The following BCAT1 variants were observed in gnomAD, a reference collection of about 807,000 sequenced individuals.
BCAT1 encodes the protein branched-chain-amino-acid aminotransferase, cytosolic.
Under a neutral mutation model 52.4 loss-of-function variants are expected in BCAT1, and 48 were observed. That is an observed-to-expected ratio of 0.92 (90% CI 0.73 to 1.16). BCAT1 has a LOEUF of 1.16. Ranked by LOEUF, BCAT1 falls within the 50% of genes most tolerant of loss-of-function variation. The pLI is 0.00. For synonymous variants in BCAT1, 167 were observed against 161.3 expected (o/e 1.04, Z -0.27); for missense variants, 451 against 457.1 (o/e 0.99, Z 0.12).
chr12:24,849,479 G>A (rs1055229687), intron 6 of BCAT1, among the ~76,000 whole-genome samples: 1 of 152,190 alleles, frequency 6.6e-6, no homozygotes, highest in Non-Finnish European at 1.5e-5. Context: ...CCGATGTGAT[G>A]CTTGTTGTAG....
At chr12:24,881,526 T>C in intron 3 of BCAT1, 115 bp from the exon 4 acceptor site, 1 of 638,682 alleles carries the variant, frequency 1.6e-6, no homozygotes, top group South Asian at 2.0e-5. Context: ...CTGTTGACAT[T>C]GACCTCAACT....
rs2139574421 is a variant in BCAT1, at chr12:24,874,734, A to T, written c.510+3796T>A. 2.0e-5 allele frequency among the ~76,000 whole-genome samples: 3 copies of T among 152,312 alleles called. No homozygotes were observed. The South Asian group carries it at 6.2e-4, about 32-fold the overall frequency. ...CAGAGTCTCTGATCCTGGCTCTAGA[A>T]ATTTCGATTTGGGTCTGGGCTGGGG... On this transcript the variant is annotated intron_variant, in intron 5 of 10. Coordinates refer to ENST00000261192, the MANE Select transcript of BCAT1 (RefSeq NM_005504.7).
chr12:24,942,334 A>G (rs746003467), intron 1 of BCAT1, among the ~76,000 whole-genome samples: 23 of 152,074 alleles, frequency 1.5e-4, no homozygotes, highest in Non-Finnish European at 3.4e-4. Flanking sequence ...TGAGGTCAAG[A>G]GTTCTAGACC....
intron 1 of BCAT1, among the ~76,000 whole-genome samples, chr12:24,939,666 G>A (rs536870142): frequency 1.6e-4 from 25 of 152,146 alleles, no homozygotes; most frequent in Admixed American, 7.9e-4. Context: ...GCAAAACTCC[G>A]TCACTACTAA....
At position 24,817,948 on chromosome 12, in the gene BCAT1, T is replaced by C. The variant is rs1939942376; in HGVS notation, c.*60A>G. Reference sequence around the variant, plus strand: ...ATCTATCACAATTCAAATGCAACAGTCTGTCCCAGTAGCATACAGTTGGTA... The same window carrying C: ...ATCTATCACAATTCAAATGCAACAGCCTGTCCCAGTAGCATACAGTTGGTA... On this transcript the variant is annotated 3_prime_UTR_variant, in exon 11 of 11. Coordinates refer to ENST00000261192, the MANE Select transcript of BCAT1 (RefSeq NM_005504.7). The C allele has an allele frequency of 1.9e-6, 3 of 1,539,072 alleles. No individual in the cohort carries two copies. The South Asian group carries it at 3.4e-5, about 17-fold the overall frequency.
intron 1 of BCAT1, among the ~76,000 whole-genome samples, chr12:24,912,356 A>T (rs1012717260): frequency 6.6e-6 from 1 of 152,188 alleles, no homozygotes; most frequent in East Asian, 1.9e-4. Context: ...CTACCAAAAA[A>T]GAAATACAAA....
chr12:24,876,536 A>G (rs970416984), intron 5 of BCAT1, among the ~76,000 whole-genome samples: 1 of 152,208 alleles, frequency 6.6e-6, no homozygotes, highest in Non-Finnish European at 1.5e-5. Flanking sequence ...GACAAAATCC[A>G]ACATCCATTC....
intron 1 of BCAT1, among the ~76,000 whole-genome samples, chr12:24,943,967 G>C (rs1310603259): frequency 1.3e-5 from 2 of 151,608 alleles, no homozygotes; most frequent in African/African-American, 2.4e-5. Flanking sequence ...CTGGGTGACA[G>C]AGCAAGACTC....
chr12:24,916,314 T>A (rs1332641910), intron 1 of BCAT1, among the ~76,000 whole-genome samples: 1 of 152,180 alleles, frequency 6.6e-6, no homozygotes, highest in Non-Finnish European at 1.5e-5. Context: ...ATTCTTTACT[T>A]ATTGCAAAGT....
rs1287459082 is a variant in BCAT1, at chr12:24,933,248, T to G, written c.6+15679A>C. ...CCTCCCAATGTGCCGAGATTACAGG[T>G]GTGCACCACTGTGCCTGGCAACATG... On this transcript the variant is annotated intron_variant, in intron 1 of 10. Coordinates refer to ENST00000261192, the MANE Select transcript of BCAT1 (RefSeq NM_005504.7). 4.0e-5 allele frequency among the ~76,000 whole-genome samples: 6 copies of G among 150,730 alleles called. No individual in the cohort carries two copies. The East Asian group carries it at 9.8e-4, about 25-fold the overall frequency.
intron 7 of BCAT1, 136 bp from the exon 8 acceptor site, chr12:24,836,732 T>A: frequency 1.5e-6 from 1 of 669,762 alleles, no homozygotes; most frequent in South Asian, 2.0e-5. Flanking sequence ...TTCTGCATGA[T>A]CAAATTTCCC....
intron 8 of BCAT1, 25 bp downstream of exon 8, chr12:24,836,486 A>T: frequency 1.9e-6 from 3 of 1,580,346 alleles, no homozygotes; most frequent in Non-Finnish European, 2.6e-6. Flanking sequence ...GGCTTACAAA[A>T]GTTGTTCATA....
intron 1 of BCAT1, chr12:24,945,954 C>T (rs1017178218): frequency 1.3e-5 from 2 of 152,220 alleles, no homozygotes; most frequent in African/African-American, 4.8e-5. Flanking sequence ...GAGCATAAGG[C>T]TGATCATGCC....
intron 3 of BCAT1, among the ~76,000 whole-genome samples, chr12:24,885,298 G>T (rs1407087408): frequency 1.3e-5 from 2 of 152,048 alleles, no homozygotes; most frequent in African/African-American, 4.8e-5. Flanking sequence ...ATTTACAGTA[G>T]AATTAAAAGA....
chr12:24,840,658 T>C (rs934158443), intron 7 of BCAT1, among the ~76,000 whole-genome samples: 1 of 152,198 alleles, frequency 6.6e-6, no homozygotes, highest in African/African-American at 2.4e-5. Context: ...AGTATAAGAC[T>C]CATCTTGTTA....
chr12:24,929,622 T>C (rs975927564), intron 1 of BCAT1, among the ~76,000 whole-genome samples: 3 of 152,198 alleles, frequency 2.0e-5, no homozygotes, highest in African/African-American at 7.2e-5. Flanking sequence ...CTATTACCTA[T>C]TCTTCTGATG....
chr12:24,824,659 A>G (rs1468420774), intron 10 of BCAT1, among the ~76,000 whole-genome samples: 1 of 152,162 alleles, frequency 6.6e-6, no homozygotes, highest in Non-Finnish European at 1.5e-5. Flanking sequence ...TTGGTGTATT[A>G]ACTGCTACAG....
chr12:24,833,003 GCACACCAT>G lies in BCAT1; in HGVS notation c.904-148_904-141del, dbSNP rs1047943561. 3 of 893,112 alleles carry G rather than the reference GCACACCAT, an allele frequency of 3.4e-6. No individual in the cohort carries two copies. In the African/African-American group the frequency reaches 5.1e-5, roughly 15 times the overall value. 55.3% of individuals were successfully genotyped at this position (893,112 alleles called of 1,614,324 possible). A position where few individuals can be genotyped will look rare whatever the true frequency, so the allele number is the denominator to read the frequency against. On this transcript the variant is annotated intron_variant, in intron 8 of 10. Coordinates refer to ENST00000261192, the MANE Select transcript of BCAT1 (RefSeq NM_005504.7). ...ATCCTTTAAGGGAAAGCTGGAAGTG[GCACACCAT>G]CTTACTGGTGAACACATCGAGGTGT...
intron 1 of BCAT1, among the ~76,000 whole-genome samples, chr12:24,908,764 A>G (rs947349218): frequency 2.6e-5 from 4 of 152,100 alleles, no homozygotes; most frequent in African/African-American, 9.7e-5. Context: ...AACATTAAAA[A>G]TTTTTTCAAA....
Sources: gnomAD v4.1 joint callset for allele counts (sites outside exome capture counted in the v4.1 genomes callset) on GRCh38, gnomAD v4.1.1 for gene constraint, MANE v1.5 for transcripts, NCBI Gene and HGNC (gene_info 2026-07-23, HGNC 2026-07-21) for gene names.